The following CCDC63 variants were observed in gnomAD, a reference collection of about 807,000 sequenced individuals.
The protein encoded by CCDC63 is coiled-coil domain containing 63.
Under a neutral mutation model 63.6 loss-of-function variants are expected in CCDC63, and 54 were observed. That is an observed-to-expected ratio of 0.85 (90% CI 0.68 to 1.07). The LOEUF (loss-of-function observed/expected upper bound fraction) is 1.07, where lower values mean the gene tolerates loss of function less well. Ranked by LOEUF, CCDC63 falls within the 50% of genes least tolerant of loss-of-function variation. The pLI, the probability that CCDC63 is intolerant of heterozygous loss-of-function variation, is 0.00. For synonymous variants in CCDC63, 253 were observed against 266.1 expected (o/e 0.95, Z 0.48); for missense variants, 637 against 689.6 (o/e 0.92, Z 0.86).
At chr12:110,873,535 G>T (rs974016433) in intron 4 of CCDC63, among the ~76,000 whole-genome samples, 4 of 152,210 alleles carry the variant, frequency 2.6e-5, no homozygotes, top group African/African-American at 9.7e-5. Context: ...ATGTCATTGT[G>T]TATAAATGTC....
At chr12:110,878,743 T>C (rs538721591) in intron 5 of CCDC63, among the ~76,000 whole-genome samples, 4 of 152,334 alleles carry the variant, frequency 2.6e-5, no homozygotes, top group African/African-American at 7.2e-5. Flanking sequence ...TTATTTCCTT[T>C]GGGTGTATGC....
At chr12:110,906,794 T>TG (rs2071592966) in intron 11 of CCDC63, among the ~76,000 whole-genome samples, 1 of 151,872 alleles carries the variant, frequency 6.6e-6, no homozygotes, top group Non-Finnish European at 1.5e-5. Flanking sequence ...CCTAAAAGGT[T>TG]GGGGGGAGAG....
intron 10 of CCDC63, among the ~76,000 whole-genome samples, chr12:110,901,194 T>C (rs1223879480): frequency 6.6e-6 from 1 of 152,176 alleles, no homozygotes; most frequent in Non-Finnish European, 1.5e-5. Flanking sequence ...ACATGAGATA[T>C]TGTGATTCAG....
intron 7 of CCDC63, among the ~76,000 whole-genome samples, chr12:110,882,440 G>A (rs1368043181): frequency 6.6e-6 from 1 of 152,056 alleles, no homozygotes; most frequent in Non-Finnish European, 1.5e-5. Flanking sequence ...CTTGATCTCA[G>A]AAGGTCTGAT....
At chr12:110,863,021 G>C (rs538511709) in intron 4 of CCDC63, among the ~76,000 whole-genome samples, 7 of 152,282 alleles carry the variant, frequency 4.6e-5, no homozygotes, top group African/African-American at 1.7e-4. Context: ...CTCCCAAAGT[G>C]TTGGGATTAC....
At chr12:110,873,611 A>G (rs2071093131) in intron 4 of CCDC63, among the ~76,000 whole-genome samples, 1 of 152,202 alleles carries the variant, frequency 6.6e-6, no homozygotes, top group Non-Finnish European at 1.5e-5. Flanking sequence ...TGTACCCCGA[A>G]CTGGCTAAGA....
intron 2 of CCDC63, 25 bp from the exon 3 acceptor site, chr12:110,853,380 T>C (rs907524133): frequency 1.3e-6 from 2 of 1,599,796 alleles, no homozygotes; most frequent in Non-Finnish European, 8.5e-7. Flanking sequence ...CACTACGGCC[T>C]CCCACTCCTC....
At chr12:110,880,643 G>A (rs995384530) in intron 6 of CCDC63, among the ~76,000 whole-genome samples, 4 of 21,934 alleles carry the variant, frequency 1.8e-4, no homozygotes, top group Non-Finnish European at 1.9e-4. Context: ...GTAGTGCCTG[G>A]GACACAGTAA....
intron 4 of CCDC63, among the ~76,000 whole-genome samples, chr12:110,859,453 T>C (rs1032100291): frequency 2.6e-5 from 4 of 151,982 alleles, no homozygotes; most frequent in Non-Finnish European, 5.9e-5. Flanking sequence ...ATTACAGGCG[T>C]GCACCACCAT....
intron 1 of CCDC63, among the ~76,000 whole-genome samples, chr12:110,847,960 T>C (rs968000004): frequency 2.0e-5 from 3 of 152,256 alleles, no homozygotes; most frequent in African/African-American, 4.8e-5. Flanking sequence ...CGCCCAGGAC[T>C]ATGGATGCTG....
chr12:110,868,851 T>G lies in CCDC63; in HGVS notation c.370-4991T>G, dbSNP rs540050583. On this transcript the variant is annotated intron_variant, in intron 4 of 11. Coordinates refer to ENST00000308208, the MANE Select transcript of CCDC63 (RefSeq NM_152591.3). ...GGCTTTCTGTAACTTACATTTTTTC[T>G]TAACTGATAACAAGCTGGTGCCCCT... Among the ~76,000 whole-genome samples, 31 of 152,174 alleles carry G rather than the reference T, an allele frequency of 2.0e-4. 1 individual carries two copies. In the South Asian group the frequency reaches 6.4e-3, roughly 32 times the overall value.
chr12:110,890,952 AT>A (rs1307991683), intron 8 of CCDC63, among the ~76,000 whole-genome samples: 1 of 150,974 alleles, frequency 6.6e-6, no homozygotes, highest in African/African-American at 2.4e-5. Context: ...TAATTTTTGT[AT>A]TTTTTTGTAG....
rs1258086558 is a variant in CCDC63 at position 110,876,359 on chromosome 12, G to A, written c.489+2398G>A. 2.0e-5 allele frequency among the ~76,000 whole-genome samples: 3 copies of A among 152,130 alleles called. No individual in the cohort carries two copies. In the East Asian group the frequency reaches 5.8e-4, roughly 29 times the overall value. ...AGTGGAGGATGCAAAGATAGAATAA[G>A]AATGCTCTGCTCCCAGGGACTCCCC... On this transcript the variant is annotated intron_variant, in intron 5 of 11. Transcript: ENST00000308208.
intron 8 of CCDC63, among the ~76,000 whole-genome samples, chr12:110,890,780 T>TC (rs1566135752): frequency 4.1e-5 from 6 of 145,308 alleles, no homozygotes; most frequent in East Asian, 2.0e-4. Context: ...TTTCTTTTTT[T>TC]TTTTTTTTTT....
intron 8 of CCDC63, among the ~76,000 whole-genome samples, chr12:110,890,773 C>CTTTTTTTTTTTTT (rs769120162): frequency 1.0e-5 from 1 of 98,398 alleles, no homozygotes; most frequent in African/African-American, 4.1e-5. Flanking sequence ...TCCTCCTTTT[C>CTTTTTTTTTTTTT]TTTTTTTTTT....
intron 1 of CCDC63, among the ~76,000 whole-genome samples, chr12:110,851,040 G>T (rs553113730): frequency 6.6e-6 from 1 of 152,126 alleles, no homozygotes; most frequent in African/African-American, 2.4e-5. Flanking sequence ...CAGGATTTAT[G>T]GCACTTTGCA....
intron 1 of CCDC63, among the ~76,000 whole-genome samples, chr12:110,851,082 A>G (rs746951729): frequency 6.6e-5 from 10 of 152,226 alleles, no homozygotes; most frequent in Non-Finnish European, 1.2e-4. Context: ...CACAGTGTGT[A>G]GCATACAGTG....
chr12:110,885,141 C>T (rs1316428921), intron 8 of CCDC63, among the ~76,000 whole-genome samples: 1 of 149,074 alleles, frequency 6.7e-6, no homozygotes, highest in Non-Finnish European at 1.5e-5. Flanking sequence ...AGCCCATGAG[C>T]TAAGAATGAT....
chr12:110,881,242 CT>C lies in CCDC63; in HGVS notation c.800del (p.Leu267ProfsTer4), dbSNP rs752365169. On this transcript the variant is annotated frameshift_variant, in exon 7 of 12. Coordinates refer to ENST00000308208, the MANE Select transcript of CCDC63 (RefSeq NM_152591.3). LOFTEE classifies it high-confidence loss of function. ...AHESKLKSFL[L>X]VKLNDRNEFE... ...TGAGAGCAAGCTCAAGTCCTTCCTG[CT>C]CGTCAAGCTGAATGATCGCAATGAA... The C allele has an allele frequency of 2.5e-6, 4 of 1,613,846 alleles. No homozygotes were observed. Among genetic ancestry groups the C allele is most frequent in the Non-Finnish European group, 3.4e-6 (4 of 1,179,926 alleles).
Sources: allele counts gnomAD v4.1 joint callset (sites outside exome capture counted in the v4.1 genomes callset), GRCh38; gene constraint gnomAD v4.1.1; transcripts MANE v1.5; gene names NCBI Gene and HGNC (gene_info 2026-07-23, HGNC 2026-07-21).